FAM91A1: variants seen among roughly 807,000 people sequenced by gnomAD.
FAM91A1 encodes protein FAM91A1.
Under a neutral mutation model 113.5 loss-of-function variants are expected in FAM91A1, and 41 were observed. The observed-to-expected ratio is 0.36, with a 90% confidence interval of 0.28 to 0.47. The LOEUF is 0.47. Among genes scored for constraint, FAM91A1 ranks in the 20% least tolerant of loss-of-function variants. The probability of loss-of-function intolerance (pLI) is 1.00; values close to 1 mark genes in which losing one functional copy is unlikely to be tolerated. For missense variants in FAM91A1, 696 were observed against 1,001.2 expected, an observed-to-expected ratio of 0.70 and a Z score of 4.11; for synonymous variants, 307 against 347.9, an observed-to-expected ratio of 0.88 and a Z score of 1.31.
chr8:123,811,821 G>A (rs1039595554), intron 23 of FAM91A1, among the ~76,000 whole-genome samples: 1 of 152,098 alleles, frequency 6.6e-6, no homozygotes, highest in Admixed American at 6.6e-5. Context: ...GAAGCGTGGA[G>A]TAGGTGGATT....
rs1378141331 is a variant in FAM91A1 at position 123,798,138 on chromosome 8, C to T, written c.1460C>T (p.Pro487Leu). Residue 487 changes from proline (P) to leucine (L), a missense_variant, in exon 16 of 24, where the codon CCT becomes CTT. By Grantham distance (98) the Pro-to-Leu change is moderately conservative. Coordinates refer to ENST00000334705, the MANE Select transcript of FAM91A1 (RefSeq NM_144963.4). ...LRCESLLGLDPATCSRVLNKN... is the reference protein window; with the variant it reads ...LRCESLLGLDLATCSRVLNKN... The stretch of plus-strand genomic sequence containing the variant: ...TGTGAAAGCCTTCTTGGTTTGGACC[C>T]TGCAACTTGCAGCAGAGTTCTAAAC... The T allele has an allele frequency of 6.2e-7, 1 of 1,613,944 alleles. No individual in the cohort carries two copies. The highest frequency in any genetic ancestry group is 8.5e-7 in the Non-Finnish European group (1 of 1,180,006).
intron 22 of FAM91A1, among the ~76,000 whole-genome samples, chr8:123,809,327 T>C (rs769118009): frequency 1.3e-5 from 2 of 152,214 alleles, no homozygotes; most frequent in Non-Finnish European, 2.9e-5. Context: ...TTTTAAAAAA[T>C]GTATGTCTAC....
At chr8:123,807,630 CCTCTTAGA>C (rs1815845962) in intron 20 of FAM91A1, among the ~76,000 whole-genome samples, 1 of 151,966 alleles carries the variant, frequency 6.6e-6, no homozygotes. Flanking sequence ...ACAGAGAAGG[CCTCTTAGA>C]GAAGGTGAAG....
At chr8:123,805,037 C>CT (rs1224547555) in intron 18 of FAM91A1, among the ~76,000 whole-genome samples, 1 of 152,074 alleles carries the variant, frequency 6.6e-6, no homozygotes, top group Non-Finnish European at 1.5e-5. Context: ...AATTGGCCTC[C>CT]TTTTTTTGCA....
In FAM91A1 at chr8:123,784,403, T is replaced by C. The variant is rs1815199904; in HGVS notation, c.704-67T>C. On this transcript the variant is annotated intron_variant, in intron 8 of 23. Transcript: ENST00000334705. ...AGAGGTTTCTTTTTTTAATTAGATA[T>C]GTAAATTATACTTTCTTGTTTTATA... The C allele has an allele frequency of 5.9e-6, 7 of 1,195,618 alleles. No individual in the cohort carries two copies. In the African/African-American group the frequency reaches 7.9e-5, roughly 14 times the overall value. The allele number at this position is 1,195,618 out of a possible 1,614,324, so 74.1% of individuals were successfully genotyped here.
chr8:123,798,318 A>T, intron 16 of FAM91A1, 80 bp downstream of exon 16: 2 of 1,458,654 alleles, frequency 1.4e-6, no homozygotes, highest in Non-Finnish European at 1.8e-6. Flanking sequence ...TGCAGATACC[A>T]ACTATTAAAA....
At chr8:123,799,046 A>T (rs1019983322) in intron 16 of FAM91A1, among the ~76,000 whole-genome samples, 1 of 152,236 alleles carries the variant, frequency 6.6e-6, no homozygotes, top group Admixed American at 6.5e-5. Context: ...CATAAATGGT[A>T]AAATGGATGG....
chr8:123,789,485 G>T, intron 14 of FAM91A1, 128 bp from the exon 15 acceptor site: 1 of 1,328,590 alleles, frequency 7.5e-7, no homozygotes, highest in Non-Finnish European at 1.0e-6. Context: ...AACTTGTTTC[G>T]GTATTGCCTG....
intron 18 of FAM91A1, among the ~76,000 whole-genome samples, chr8:123,804,570 C>T (rs1431475191): frequency 2.0e-5 from 3 of 149,986 alleles, no homozygotes; most frequent in African/African-American, 7.4e-5. Context: ...TATCAAGTTT[C>T]CACTCCCCAT....
chr8:123,796,383 C>T (rs1420388851), intron 15 of FAM91A1, among the ~76,000 whole-genome samples: 19 of 151,748 alleles, frequency 1.3e-4, no homozygotes, highest in Admixed American at 1.2e-3. Context: ...TACCTGACTT[C>T]ACAGGATTTA....
rs751829615 is a variant in FAM91A1, at chr8:123,787,736, A to T, written c.1264A>T (p.Ile422Leu). ...LSDESLDSFLIELEKVQSTGE... is the reference protein window; with the variant it reads ...LSDESLDSFLLELEKVQSTGE... ...AGATGAGTCTCTGGACAGCTTTCTT[A>T]TAGAACTAGAAAAGGTAAATGTAGA... Residue 422 changes from isoleucine (I) to leucine (L), a missense_variant, in exon 14 of 24, where the codon ATA becomes TTA. By Grantham distance (5) the Ile-to-Leu change is conservative. Transcript: ENST00000334705. The T allele has an allele frequency of 6.2e-7, 1 of 1,612,238 alleles. No individual in the cohort carries two copies. Among genetic ancestry groups the T allele is most frequent in the Non-Finnish European group, 8.5e-7 (1 of 1,179,142 alleles).
intron 15 of FAM91A1, among the ~76,000 whole-genome samples, chr8:123,792,841 A>G (rs541971994): frequency 6.6e-6 from 1 of 151,984 alleles, no homozygotes; most frequent in African/African-American, 2.4e-5. Flanking sequence ...TGAATTCCCC[A>G]CTCCCTTCTG....
At chr8:123,803,109 A>G (rs904990165) in intron 18 of FAM91A1, among the ~76,000 whole-genome samples, 2 of 152,172 alleles carry the variant, frequency 1.3e-5, no homozygotes, top group African/African-American at 2.4e-5. Context: ...TTGGAGACCA[A>G]CTTGGATAAC....
intron 15 of FAM91A1, among the ~76,000 whole-genome samples, chr8:123,792,082 G>A (rs1815399151): frequency 6.6e-6 from 1 of 152,130 alleles, no homozygotes; most frequent in Admixed American, 6.5e-5. Flanking sequence ...GGCTGAGGCA[G>A]GAGAATTGCT....
chr8:123,799,940 C>G, intron 18 of FAM91A1, 55 bp downstream of exon 18: 1 of 1,383,824 alleles, frequency 7.2e-7, no homozygotes. Flanking sequence ...GATAATTTTT[C>G]TAGCTTTCTA....
In FAM91A1 at chr8:123,797,038, C is replaced by T. The variant is rs186031563; in HGVS notation, c.1412-1052C>T. Among the ~76,000 whole-genome samples the T allele has an allele frequency of 7.3e-5, 11 of 151,454 alleles. No individual in the cohort carries two copies. In the East Asian group the frequency reaches 7.9e-4, roughly 11 times the overall value. On this transcript the variant is annotated intron_variant, in intron 15 of 23. Coordinates refer to ENST00000334705, the MANE Select transcript of FAM91A1 (RefSeq NM_144963.4). ...ATGGCGCCACTGCACTCCAGCCTGTCGACAGAGTGAGACTCTGTCTCAAAA... is the reference window on the plus strand; with the variant it reads ...ATGGCGCCACTGCACTCCAGCCTGTTGACAGAGTGAGACTCTGTCTCAAAA...
chr8:123,789,922 C>G (rs181842658), intron 15 of FAM91A1, among the ~76,000 whole-genome samples, 177 bp downstream of exon 15: 5 of 152,162 alleles, frequency 3.3e-5, no homozygotes, highest in Admixed American at 3.3e-4. Flanking sequence ...GTTTCTTAAC[C>G]TTATTTTACT....
intron 8 of FAM91A1, 73 bp downstream of exon 8, chr8:123,780,615 C>T (rs1815097246): frequency 7.4e-6 from 9 of 1,212,232 alleles, no homozygotes; most frequent in Non-Finnish European, 1.1e-5. Context: ...ATCATCCGTT[C>T]TAGGATCTTA....
At chr8:123,807,480 C>CAAAAAAA (rs546080328) in intron 20 of FAM91A1, among the ~76,000 whole-genome samples, 2 of 58,902 alleles carry the variant, frequency 3.4e-5, no homozygotes, top group Non-Finnish European at 7.0e-5. Context: ...CCTGTCTCTA[C>CAAAAAAA]AAAAAAAAAA....
Sources: gnomAD v4.1 joint callset for allele counts (sites outside exome capture counted in the v4.1 genomes callset) on GRCh38, gnomAD v4.1.1 for gene constraint, MANE v1.5 for transcripts, NCBI Gene and HGNC (gene_info 2026-07-23, HGNC 2026-07-21) for gene names.